The following NEXMIF variants were observed in gnomAD, a reference collection of about 807,000 sequenced individuals.
The protein encoded by NEXMIF is XLMR protein related to neurite extension.
A neutral mutation model predicts 62.1 loss-of-function variants in NEXMIF; 8 were observed. That is an observed-to-expected ratio of 0.13 (90% confidence interval 0.08 to 0.23). The LOEUF (loss-of-function observed/expected upper bound fraction) is 0.23. Among genes scored for constraint, NEXMIF ranks in the 10% least tolerant of loss-of-function variants. NEXMIF has a pLI of 1.00. For synonymous variants in NEXMIF, 404 were observed against 416.6 expected (o/e 0.97, Z 0.37); for missense variants, 976 against 1,113.3 (o/e 0.88, Z 1.75).
At chrX:74,754,906 G>C (rs1250501552) in intron 1 of NEXMIF, among the ~76,000 whole-genome samples, 1 of 111,371 alleles carries the variant, frequency 9.0e-6, no homozygotes, top group African/African-American at 3.3e-5. Context: ...CTACTGTCCT[G>C]GCCCAGGAAA....
At chrX:74,884,105 T>C (rs1386197101) in intron 1 of NEXMIF, among the ~76,000 whole-genome samples, 1 of 111,731 alleles carries the variant, frequency 9.0e-6, no homozygotes, top group Admixed American at 9.5e-5. Flanking sequence ...CTGAGAGATT[T>C]TGTAACCACC....
At chrX:74,837,292 GCTTT>G (rs920451474) in intron 1 of NEXMIF, among the ~76,000 whole-genome samples, 2 of 111,812 alleles carry the variant, frequency 1.8e-5, no homozygotes, top group African/African-American at 3.3e-5. Context: ...TTGTGACAGT[GCTTT>G]CTGTGTGCAG....
At chrX:74,910,236 T>C (rs2080784044) in intron 1 of NEXMIF, among the ~76,000 whole-genome samples, 1 of 112,381 alleles carries the variant, frequency 8.9e-6, no homozygotes. Context: ...TGCCATACCC[T>C]GCAAAGCCAC....
chrX:74,782,770 T>C (rs2080250631), intron 1 of NEXMIF, among the ~76,000 whole-genome samples: 1 of 112,112 alleles, frequency 8.9e-6, no homozygotes, highest in Non-Finnish European at 1.9e-5. Context: ...AAGCCTTTCC[T>C]GATTATTAGA....
intron 3 of NEXMIF, 49 bp downstream of exon 3, chrX:74,740,051 G>A: frequency 8.9e-7 from 1 of 1,119,165 alleles, no homozygotes. Flanking sequence ...TTAGTAGGTA[G>A]TAGGAGAGCT....
At chrX:74,827,120 A>G (rs2080421028) in intron 1 of NEXMIF, among the ~76,000 whole-genome samples, 1 of 112,395 alleles carries the variant, frequency 8.9e-6, no homozygotes, top group African/African-American at 3.2e-5. Context: ...CCTTTCACTG[A>G]CAAGAACAGC....
chrX:74,837,813 C>A (rs1369648277), intron 1 of NEXMIF, among the ~76,000 whole-genome samples: 1 of 111,689 alleles, frequency 9.0e-6, no homozygotes, highest in African/African-American at 3.3e-5. Flanking sequence ...ATGTAACTAA[C>A]AGCTCAGATT....
chrX:74,854,252 G>A (rs1420322591), intron 1 of NEXMIF, among the ~76,000 whole-genome samples: 1 of 111,902 alleles, frequency 8.9e-6, no homozygotes, highest in East Asian at 2.8e-4. Flanking sequence ...TCTATCCCAG[G>A]GATGCAAGGA....
intron 1 of NEXMIF, among the ~76,000 whole-genome samples, chrX:74,770,708 A>G (rs770405639): frequency 8.9e-6 from 1 of 112,192 alleles, no homozygotes; most frequent in South Asian, 3.7e-4. Flanking sequence ...AGAAAAATTC[A>G]TAAGATTACT....
chrX:74,887,278 G>T (rs7473194), intron 1 of NEXMIF, among the ~76,000 whole-genome samples: 1 of 110,158 alleles, frequency 9.1e-6, no homozygotes, highest in Non-Finnish European at 1.9e-5. Flanking sequence ...AGCAATGGCA[G>T]CAAAAGCCAA....
intron 1 of NEXMIF, among the ~76,000 whole-genome samples, chrX:74,792,437 A>G (rs2080287661): frequency 1.9e-5 from 2 of 106,642 alleles, no homozygotes; most frequent in Admixed American, 1.0e-4. Context: ...GGTGCTGAAA[A>G]AAATGTATAT....
intron 1 of NEXMIF, among the ~76,000 whole-genome samples, chrX:74,882,322 C>T (rs1450720318): frequency 8.9e-6 from 1 of 111,873 alleles, no homozygotes; most frequent in Non-Finnish European, 1.9e-5. Context: ...TGCAGTGCAC[C>T]GTGCGTGAGT....
intron 1 of NEXMIF, among the ~76,000 whole-genome samples, chrX:74,825,843 A>G (rs1239853143): frequency 8.9e-6 from 1 of 111,977 alleles, no homozygotes; most frequent in Non-Finnish European, 1.9e-5. Flanking sequence ...GTGAGCCACC[A>G]CCCGGCCATG....
At chrX:74,812,585 T>C (rs761418000) in intron 1 of NEXMIF, among the ~76,000 whole-genome samples, 1 of 111,034 alleles carries the variant, frequency 9.0e-6, no homozygotes, top group East Asian at 2.8e-4. Flanking sequence ...AAATATTACA[T>C]AGGATAACAT....
rs1436477431 is a variant in NEXMIF at position 74,899,998 on chromosome X, C to A, written c.-48+24885G>T. On this transcript the variant is annotated intron_variant, in intron 1 of 3. Coordinates refer to ENST00000055682, the MANE Select transcript of NEXMIF (RefSeq NM_001008537.3). The stretch of plus-strand genomic sequence containing the variant: ...GCTCCTATAACTCAATAACAAAAAA[C>A]CTAACACCCTAAGTTTTAAAATGAG... 3.6e-5 allele frequency among the ~76,000 whole-genome samples: 4 copies of A among 111,310 alleles called. No homozygotes were observed. The East Asian group carries it at 1.1e-3, about 31-fold the overall frequency.
At chrX:74,755,187 A>G (rs755483151) in intron 1 of NEXMIF, among the ~76,000 whole-genome samples, 4 of 112,728 alleles carry the variant, frequency 3.5e-5, no homozygotes, top group African/African-American at 1.3e-4. Flanking sequence ...GCTATGTGGA[A>G]ACAAAATACA....
intron 1 of NEXMIF, among the ~76,000 whole-genome samples, chrX:74,889,351 G>C (rs958408459): frequency 8.9e-6 from 1 of 111,865 alleles, no homozygotes; most frequent in Non-Finnish European, 1.9e-5. Flanking sequence ...AAGACCAAAT[G>C]GGGATGGAAA....
chrX:74,757,852 T>G, intron 1 of NEXMIF, among the ~76,000 whole-genome samples: 1 of 111,787 alleles, frequency 8.9e-6, no homozygotes, highest in South Asian at 3.7e-4. Context: ...GAGACAATGT[T>G]GCTAGACTGA....
At chrX:74,828,391 G>C (rs549361822) in intron 1 of NEXMIF, among the ~76,000 whole-genome samples, 119 of 111,942 alleles carry the variant, frequency 1.1e-3, no homozygotes, top group Middle Eastern at 4.6e-3. Flanking sequence ...CTCTATTGCT[G>C]TGCTACAGGT....
Sources: gnomAD v4.1 joint callset for allele counts (sites outside exome capture counted in the v4.1 genomes callset) on GRCh38, gnomAD v4.1.1 for gene constraint, MANE v1.5 for transcripts, NCBI Gene and HGNC (gene_info 2026-07-23, HGNC 2026-07-21) for gene names.